ZNF529: variants seen among roughly 807,000 people sequenced by gnomAD.
ZNF529 encodes zinc finger protein 529.
Under a neutral mutation model 10.1 loss-of-function variants are expected in ZNF529, and 11 were observed. That is an observed-to-expected ratio of 1.09 (90% CI 0.69 to 1.81). The LOEUF (loss-of-function observed/expected upper bound fraction) is 1.81. Among genes scored for constraint, ZNF529 ranks in the 40% most tolerant of loss-of-function variants. The pLI, the probability that ZNF529 is intolerant of heterozygous loss-of-function variation, is 0.00. For missense variants in ZNF529, 624 were observed against 666.8 expected, an observed-to-expected ratio of 0.94 and a Z score of 0.71; for synonymous variants, 204 against 215.7, an observed-to-expected ratio of 0.95 and a Z score of 0.47.
chr19:36,563,218 G>A (rs3111542), intron 2 of ZNF529, among the ~76,000 whole-genome samples: 49,442 of 151,856 alleles, frequency 0.33, 8,421 homozygotes, highest in South Asian at 0.42. Flanking sequence ...TCAGGAGTTC[G>A]AGACCAGTCT....
At chr19:36,595,659 A>C (rs2036824000) in intron 1 of ZNF529, among the ~76,000 whole-genome samples, 1 of 152,130 alleles carries the variant, frequency 6.6e-6, no homozygotes, top group Admixed American at 6.5e-5. Flanking sequence ...TGATTGTGCC[A>C]CTGCACTCCA....
At chr19:36,593,454 C>A (rs2036772076) in intron 1 of ZNF529, among the ~76,000 whole-genome samples, 1 of 152,198 alleles carries the variant, frequency 6.6e-6, no homozygotes, top group Admixed American at 6.5e-5. Flanking sequence ...CAGGCATGAG[C>A]CACTGTGCCT....
intron 4 of ZNF529, among the ~76,000 whole-genome samples, chr19:36,554,348 G>A (rs1316662673): frequency 2.6e-5 from 4 of 152,158 alleles, no homozygotes; most frequent in Non-Finnish European, 5.9e-5. Flanking sequence ...GGAGGCCAAG[G>A]TGGGCGAATC....
chr19:36,589,670 G>C (rs959949485), exon 2 of ZNF529: 1 of 151,684 alleles, frequency 6.6e-6, no homozygotes, highest in Non-Finnish European at 1.5e-5. Context: ...CTGTAGTCCT[G>C]GTGTTGATTT....
At position 36,572,728 on chromosome 19, in the gene ZNF529, AT is replaced by A. The variant is rs553532573; in HGVS notation, c.-46-337del. On this transcript the variant is annotated intron_variant, in intron 1 of 4. Transcript: ENST00000591340. ...CTTCATTTATCTATCTTATCTATCT[AT>A]CTATCTATCTATCTATTATCTATCA... is the stretch of plus-strand genomic sequence containing the variant. Among the ~76,000 whole-genome samples, 530 of 150,728 alleles carry A rather than the reference AT, an allele frequency of 3.5e-3. 3 individuals are homozygous for A. The highest frequency in any genetic ancestry group is 0.01 in the African/African-American group (431 of 41,378).
At chr19:36,588,785 A>T (rs989232851) in intron 2 of ZNF529, among the ~76,000 whole-genome samples, 1 of 152,130 alleles carries the variant, frequency 6.6e-6, no homozygotes. Context: ...TGCCTCCAAC[A>T]ATATGCCCCT....
upstream of ZNF529, among the ~76,000 whole-genome samples, chr19:36,575,833 G>GTT (rs543598010): frequency 6.8e-6 from 1 of 147,626 alleles, no homozygotes; most frequent in African/African-American, 2.5e-5. Flanking sequence ...TTTCACATGT[G>GTT]TTTTTTTTTT....
intron 4 of ZNF529, among the ~76,000 whole-genome samples, chr19:36,549,196 A>G (rs995797074): frequency 6.6e-6 from 1 of 151,954 alleles, no homozygotes; most frequent in African/African-American, 2.4e-5. Flanking sequence ...ACCCTAAATA[A>G]CTTCATTTCT....
intron 4 of ZNF529, among the ~76,000 whole-genome samples, chr19:36,549,216 C>G (rs1568575241): frequency 6.6e-6 from 1 of 152,104 alleles, no homozygotes; most frequent in Non-Finnish European, 1.5e-5. Context: ...TGTTTCTAAT[C>G]CCATATCTAG....
At chr19:36,597,777 T>C (rs1322408468) in intron 1 of ZNF529, among the ~76,000 whole-genome samples, 1 of 152,196 alleles carries the variant, frequency 6.6e-6, no homozygotes, top group East Asian at 1.9e-4. Flanking sequence ...GTACCTGCTA[T>C]ATGGAACAAC....
Position 36,544,061 on chromosome 19 carries a change from T to C in ZNF529, c.*2805A>G, listed in dbSNP as rs538417587. On this transcript the variant is annotated 3_prime_UTR_variant, in exon 5 of 5. Transcript: ENST00000591340. ...GATGAGACTGCAATATCCTATCCTA[T>C]TGAATATGAGAATAAAGCTCCTATG... 54 of 152,130 alleles carry C rather than the reference T, an allele frequency of 3.5e-4. No individual in the cohort carries two copies. Among genetic ancestry groups the C allele is most frequent in the African/African-American group, 1.1e-3 (46 of 41,506 alleles). 9.4% of individuals were successfully genotyped at this position (152,130 alleles called of 1,614,324 possible).
intron 1 of ZNF529, among the ~76,000 whole-genome samples, chr19:36,593,573 A>G (rs906328118): frequency 4.7e-5 from 7 of 149,102 alleles, no homozygotes; most frequent in African/African-American, 1.8e-4. Flanking sequence ...TACTGTTCCG[A>G]AAAAAAAGGG....
intron 2 of ZNF529, among the ~76,000 whole-genome samples, chr19:36,566,468 G>T (rs558090937): frequency 2.0e-4 from 31 of 151,996 alleles, no homozygotes; most frequent in Non-Finnish European, 3.4e-4. Flanking sequence ...CAGGCAGATC[G>T]CTTGAGCCCA....
At chr19:36,600,314 A>G (rs2145294955) in intron 1 of ZNF529, among the ~76,000 whole-genome samples, 1 of 152,350 alleles carries the variant, frequency 6.6e-6, no homozygotes. Context: ...GGCTTAACAA[A>G]TGTGGTTTTA....
At chr19:36,554,375 A>G (rs886341687) in intron 4 of ZNF529, among the ~76,000 whole-genome samples, 5 of 152,146 alleles carry the variant, frequency 3.3e-5, no homozygotes, top group Non-Finnish European at 7.3e-5. Context: ...TCAGGAGTTC[A>G]AGACCAGCCT....
At chr19:36,587,753 G>A (rs1408575978) in intron 2 of ZNF529, among the ~76,000 whole-genome samples, 1 of 152,212 alleles carries the variant, frequency 6.6e-6, no homozygotes, top group Non-Finnish European at 1.5e-5. Context: ...AGCTAGTCAT[G>A]AAGGATTTAC....
intron 4 of ZNF529, among the ~76,000 whole-genome samples, chr19:36,552,330 T>C (rs753663811): frequency 6.6e-6 from 1 of 152,082 alleles, no homozygotes; most frequent in Non-Finnish European, 1.5e-5. Context: ...CTCGGGAGGC[T>C]GAGACAGAAT....
At chr19:36,581,468 C>G (rs558202370) in intron 2 of ZNF529, 3 of 152,278 alleles carry the variant, frequency 2.0e-5, no homozygotes. Flanking sequence ...ATACGTACAA[C>G]CCAGATGTTC....
rs370116754 is a variant in ZNF529, at chr19:36,552,716, GT to G, written c.235+1953del. The stretch of plus-strand genomic sequence containing the variant: ...GCTTACAACAAAGAAATGTAACAAT[GT>G]TTTTTTTATTATAGCCAATTTTTAA... On this transcript the variant is annotated intron_variant, in intron 4 of 4. Transcript: ENST00000591340. Among the ~76,000 whole-genome samples, 614 of 152,034 alleles carry G rather than the reference GT, an allele frequency of 4.0e-3. 5 individuals carry two copies. Among genetic ancestry groups the G allele is most frequent in the African/African-American group, 0.013 (546 of 41,470 alleles).
Sources: gnomAD v4.1 joint callset for allele counts (sites outside exome capture counted in the v4.1 genomes callset) on GRCh38, gnomAD v4.1.1 for gene constraint, MANE v1.5 for transcripts, NCBI Gene and HGNC (gene_info 2026-07-23, HGNC 2026-07-21) for gene names.